The following NRXN3 variants were observed in gnomAD, a reference collection of about 807,000 sequenced individuals.
NRXN3 encodes the protein neurexin 3, also known as neurexin III.
In NRXN3, 32 loss-of-function variants were observed where a neutral mutation model predicts 137.6. That is an observed-to-expected ratio of 0.23 (90% confidence interval 0.18 to 0.31). The LOEUF is 0.31. Ranked by LOEUF, NRXN3 falls within the 10% of genes least tolerant of loss-of-function variation. NRXN3 has a pLI of 1.00. For synonymous variants in NRXN3, 798 were observed against 784.5 expected, an observed-to-expected ratio of 1.02 and a Z score of -0.29; for missense variants, 1,574 against 2,062.5, an observed-to-expected ratio of 0.76 and a Z score of 4.59.
At chr14:79,247,128 C>T (rs2075300680) in intron 15 of NRXN3, 1 of 151,922 alleles carries the variant, frequency 6.6e-6, no homozygotes, top group Non-Finnish European at 1.5e-5. Flanking sequence ...AAAGGAAAAA[C>T]CAAGTTAGAT....
chr14:78,988,164 C>T (rs764354402), intron 15 of NRXN3, 23 bp downstream of exon 15: 4 of 1,613,214 alleles, frequency 2.5e-6, no homozygotes, highest in Non-Finnish European at 2.5e-6. Flanking sequence ...ACCTTTCATA[C>T]TGGAACTTTG....
intron 15 of NRXN3, among the ~76,000 whole-genome samples, chr14:79,113,277 TA>T (rs1302863741): frequency 6.6e-6 from 1 of 152,094 alleles, no homozygotes; most frequent in Non-Finnish European, 1.5e-5. Flanking sequence ...TGTATATTAT[TA>T]AAAAAAATTA....
At chr14:78,932,742 G>A (rs570591660) in intron 10 of NRXN3, among the ~76,000 whole-genome samples, 1 of 152,140 alleles carries the variant, frequency 6.6e-6, no homozygotes, top group Non-Finnish European at 1.5e-5. Context: ...TAGCCTTGAG[G>A]CATACCTTCT....
intron 10 of NRXN3, among the ~76,000 whole-genome samples, chr14:78,842,332 G>C (rs1408330861): frequency 5.3e-5 from 8 of 152,002 alleles, no homozygotes; most frequent in Non-Finnish European, 8.8e-5. Flanking sequence ...TGGGTGTCCG[G>C]GGGAGACATC....
chr14:79,509,533 T>TTATA (rs1380610877), intron 16 of NRXN3, among the ~76,000 whole-genome samples: 2 of 123,120 alleles, frequency 1.6e-5, no homozygotes, highest in African/African-American at 3.3e-5. Context: ...TATATATATA[T>TTATA]TATATATATG....
In NRXN3 at chr14:79,643,373, C is replaced by T. The variant is rs181216062; in HGVS notation, c.3445-20405C>T. ...GGTCCTTGGCCTCCTGCCCTTTTAT[C>T]TTTTCTGAGATCTCATGCCATCTGT... On this transcript the variant is annotated intron_variant, in intron 16 of 20. Coordinates refer to ENST00000335750, the MANE Select transcript of NRXN3 (RefSeq NM_001330195.2). 4.1e-3 allele frequency among the ~76,000 whole-genome samples: 556 copies of T among 135,516 alleles called. 146 individuals are homozygous for T. Among genetic ancestry groups the T allele is most frequent in the Non-Finnish European group, 3.3e-3 (190 of 58,216 alleles). The allele number at this position is 135,516 out of a possible 152,430, so 88.9% of individuals were successfully genotyped here.
At chr14:79,192,652 A>T (rs754763585) in intron 15 of NRXN3, among the ~76,000 whole-genome samples, 3 of 152,174 alleles carry the variant, frequency 2.0e-5, no homozygotes, top group Non-Finnish European at 2.9e-5. Flanking sequence ...CAACTCTGAA[A>T]GTCTGTGACT....
In NRXN3 at chr14:79,719,218, G is replaced by A. The variant is rs1193789541; in HGVS notation, c.4014+21281G>A. On this transcript the variant is annotated intron_variant, in intron 19 of 20. Transcript: ENST00000335750. ...TTTAGTGTTCTCATTTTCCACTGGT[G>A]CCATTAATATCATCCCGTCATCATA... Among the ~76,000 whole-genome samples the A allele has an allele frequency of 3.3e-5, 5 of 151,818 alleles. No homozygotes were observed. The East Asian group carries it at 5.8e-4, about 18-fold the overall frequency.
At position 79,819,826 on chromosome 14, in the gene NRXN3, T is replaced by TA. The variant is rs2099265802; in HGVS notation, c.4093+14637dup. 2.6e-5 allele frequency among the ~76,000 whole-genome samples: 4 copies of TA among 151,970 alleles called. No homozygotes were observed. The South Asian group carries it at 8.3e-4, about 32-fold the overall frequency. ...GGACATTTCCCACCTTTGTTTTAGA[T>TA]ATGCCACTATCTCAGACATGAAACA... On this transcript the variant is annotated intron_variant, in intron 20 of 20. Transcript: ENST00000335750.
At chr14:78,674,041 A>G (rs958871425) in intron 6 of NRXN3, among the ~76,000 whole-genome samples, 3 of 152,186 alleles carry the variant, frequency 2.0e-5, no homozygotes, top group Non-Finnish European at 4.4e-5. Context: ...CAGTGGCCAC[A>G]TGGCAGCCCA....
intron 4 of NRXN3, chr14:78,526,668 A>G (rs878995513): frequency 6.7e-6 from 3 of 445,130 alleles, no homozygotes; most frequent in South Asian, 1.7e-5. Flanking sequence ...CTGAATGCTT[A>G]CTTGTGCACC....
chr14:78,187,719 T>C (rs1357864644), intron 1 of NRXN3, among the ~76,000 whole-genome samples: 1 of 152,146 alleles, frequency 6.6e-6, no homozygotes, highest in Non-Finnish European at 1.5e-5. Context: ...ACCAGGATTT[T>C]CTTGGAAGTA....
chr14:78,261,004 C>T (rs2070614821), intron 2 of NRXN3, among the ~76,000 whole-genome samples: 1 of 152,150 alleles, frequency 6.6e-6, no homozygotes, highest in Non-Finnish European at 1.5e-5. Context: ...ATCGCTTCCA[C>T]CCAGGAAGGA....
At chr14:78,588,453 G>C (rs531600071) in intron 4 of NRXN3, among the ~76,000 whole-genome samples, 2 of 152,170 alleles carry the variant, frequency 1.3e-5, no homozygotes, top group East Asian at 3.9e-4. Flanking sequence ...CCTTTTTGCT[G>C]TTGTTCCACT....
intron 19 of NRXN3, among the ~76,000 whole-genome samples, chr14:79,798,349 C>T (rs940282921): frequency 6.6e-6 from 1 of 152,184 alleles, no homozygotes; most frequent in Non-Finnish European, 1.5e-5. Flanking sequence ...GATGGGTCCT[C>T]TCTCATCTGA....
At chr14:79,415,556 G>T (rs552987488) in intron 15 of NRXN3, among the ~76,000 whole-genome samples, 147 of 152,160 alleles carry the variant, frequency 9.7e-4, no homozygotes, top group African/African-American at 2.8e-3. Context: ...AACCCCTGTG[G>T]ATACTGAAGG....
intron 15 of NRXN3, among the ~76,000 whole-genome samples, chr14:79,094,979 A>AGAGAGAGTGTGTGTGTGTGT (rs553957969): frequency 4.5e-4 from 52 of 115,918 alleles, no homozygotes; most frequent in African/African-American, 1.5e-3. Context: ...AGAGAGAGAG[A>AGAGAGAGTGTGTGTGTGTGT]GTGTGTGTGT....
chr14:79,488,438 G>A (rs1200546530), intron 16 of NRXN3, among the ~76,000 whole-genome samples: 3 of 152,244 alleles, frequency 2.0e-5, no homozygotes, highest in East Asian at 1.9e-4. Context: ...GTGTTCTGAC[G>A]ATAAAGGAAA....
At chr14:79,789,548 T>C (rs1309819699) in intron 19 of NRXN3, among the ~76,000 whole-genome samples, 2 of 152,172 alleles carry the variant, frequency 1.3e-5, no homozygotes, top group African/African-American at 2.4e-5. Flanking sequence ...TGTATGGTTC[T>C]TGATGATATG....
Sources: allele counts gnomAD v4.1 joint callset (sites outside exome capture counted in the v4.1 genomes callset), GRCh38; gene constraint gnomAD v4.1.1; transcripts MANE v1.5; gene names NCBI Gene and HGNC (gene_info 2026-07-23, HGNC 2026-07-21).